DMD: variants seen among roughly 807,000 people sequenced by gnomAD.
DMD encodes the protein mutant dystrophin.
A neutral mutation model predicts 330.1 loss-of-function variants in DMD; 63 were observed. The ratio of observed to expected loss-of-function variants is 0.19; its 90% CI spans 0.16 to 0.24. The LOEUF (loss-of-function observed/expected upper bound fraction) is 0.24. DMD is among the 10% of genes least tolerant of loss of function. DMD has a pLI of 1.00. For missense variants in DMD, 3,344 were observed against 2,684.1 expected, an observed-to-expected ratio of 1.25 and a Z score of -5.43; for synonymous variants, 1,223 against 959.8, an observed-to-expected ratio of 1.27 and a Z score of -5.07.
intron 44 of DMD, among the ~76,000 whole-genome samples, chrX:32,189,773 A>ATT (rs1332996805): frequency 9.0e-6 from 1 of 111,070 alleles, no homozygotes; most frequent in Non-Finnish European, 1.9e-5. Context: ...GGTGGCAAAT[A>ATT]TCTTCAGCAA....
At chrX:32,742,514 G>T (rs1448686401) in intron 7 of DMD, among the ~76,000 whole-genome samples, 1 of 111,561 alleles carries the variant, frequency 9.0e-6, no homozygotes. Flanking sequence ...AGTTAATAGT[G>T]TAAGTTTAAG....
chrX:31,260,721 C>A (rs1330894658), intron 63 of DMD, among the ~76,000 whole-genome samples: 2 of 111,597 alleles, frequency 1.8e-5, no homozygotes, highest in African/African-American at 6.5e-5. Flanking sequence ...GACCTATAGG[C>A]CCTCTCAGGT....
intron 11 of DMD, among the ~76,000 whole-genome samples, chrX:32,625,245 G>T (rs2058271113): frequency 8.9e-6 from 1 of 112,270 alleles, no homozygotes; most frequent in African/African-American, 3.2e-5. Flanking sequence ...CTAAAATGAT[G>T]TAAATATTCT....
At chrX:33,121,066 A>C (rs1455581184) in intron 1 of DMD, among the ~76,000 whole-genome samples, 1 of 109,882 alleles carries the variant, frequency 9.1e-6, no homozygotes, top group African/African-American at 3.3e-5. Flanking sequence ...TTAAATGTAT[A>C]AGTTTTCCAT....
chrX:32,394,594 A>G (rs923807416), intron 30 of DMD, among the ~76,000 whole-genome samples: 2 of 111,813 alleles, frequency 1.8e-5, no homozygotes, highest in African/African-American at 3.2e-5. Context: ...GCGATATAAC[A>G]TGTCATTTCC....
At position 32,147,917 on chromosome X, in the gene DMD, A is replaced by G. The variant is rs372054961; in HGVS notation, c.6438+68999T>C. 9.8e-4 allele frequency among the ~76,000 whole-genome samples: 93 copies of G among 94,522 alleles called. 2 individuals are homozygous for G. The East Asian group carries it at 0.029, about 29-fold the overall frequency. The allele number at this position is 94,522 out of a possible 115,157, so 82.1% of individuals were successfully genotyped here. On this transcript the variant is annotated intron_variant, in intron 44 of 78. Transcript: ENST00000357033. Reference sequence around the variant, plus strand: ...TTTTGAGATGGAGTCTCGCTCTGTCACCCAGGCTGGAGTGCAGTGGCGCGA... The same window carrying G: ...TTTTGAGATGGAGTCTCGCTCTGTCGCCCAGGCTGGAGTGCAGTGGCGCGA...
chrX:32,112,003 C>A (rs760560329), intron 44 of DMD, among the ~76,000 whole-genome samples: 3 of 111,910 alleles, frequency 2.7e-5, no homozygotes, highest in Non-Finnish European at 5.6e-5. Flanking sequence ...ATTTCAGATA[C>A]CTCAAGGGCA....
intron 2 of DMD, among the ~76,000 whole-genome samples, chrX:32,909,643 T>C (rs1458391430): frequency 9.0e-6 from 1 of 111,292 alleles, no homozygotes; most frequent in Non-Finnish European, 1.9e-5. Context: ...TAGAAATGCG[T>C]CCACAAAATT....
In DMD at chrX:33,323,681, A is replaced by C; in HGVS notation, c.7+15578T>G. Among the ~76,000 whole-genome samples the C allele has an allele frequency of 2.7e-5, 3 of 111,597 alleles. 1 individual carries two copies. The Middle Eastern group carries it at 0.014, about 510-fold the overall frequency. Reference sequence around the variant, plus strand: ...ATTCTACAGTTGGCAAATATATGAAATATTTTCTATCCTTCCCACTGCATT... The same window carrying C: ...ATTCTACAGTTGGCAAATATATGAACTATTTTCTATCCTTCCCACTGCATT... On this transcript the variant is annotated intron_variant, in intron 1 of 17. Transcript: ENST00000288447.
chrX:31,294,987 T>G (rs901161776), intron 62 of DMD, among the ~76,000 whole-genome samples: 2 of 111,414 alleles, frequency 1.8e-5, no homozygotes, highest in Non-Finnish European at 3.8e-5. Flanking sequence ...CATTGTAGGT[T>G]TGCTTTTTTA....
At chrX:31,627,917 A>G in intron 54 of DMD, 55 bp from the exon 55 acceptor site, 1 of 1,082,995 alleles carries the variant, frequency 9.2e-7, no homozygotes, top group Non-Finnish European at 1.3e-6. Flanking sequence ...TGGTGCACCT[A>G]GTGAACTCCA....
At chrX:32,948,710 G>A (rs1297490667) in intron 2 of DMD, among the ~76,000 whole-genome samples, 1 of 111,665 alleles carries the variant, frequency 9.0e-6, no homozygotes, top group African/African-American at 3.3e-5. Context: ...GAGAAGCTAA[G>A]GTTTTCATAA....
chrX:32,485,808 A>C (rs150444407), intron 20 of DMD, among the ~76,000 whole-genome samples: 1,000 of 89,536 alleles, frequency 0.011, 20 homozygotes, highest in African/African-American at 0.04. Context: ...CAATGACGCG[A>C]TCTTGGCCAA....
chrX:31,240,170 C>A (rs2048107432), intron 63 of DMD, among the ~76,000 whole-genome samples: 1 of 110,329 alleles, frequency 9.1e-6, no homozygotes, highest in Admixed American at 9.7e-5. Context: ...TGCAAGTTTT[C>A]ATTCACCATC....
Position 32,533,532 on chromosome X carries a change from G to C in DMD, c.2168+11627C>G, listed in dbSNP as rs775240623. Among the ~76,000 whole-genome samples, 5 of 111,897 alleles carry C rather than the reference G, an allele frequency of 4.5e-5. No individual in the cohort carries two copies. In the South Asian group the frequency reaches 1.9e-3, roughly 42 times the overall value. ...CTTCCATGCCTCTCAAGCAGGAAGT[G>C]AACTTTTCTTCCTTAAAACTTTTCT... On this transcript the variant is annotated intron_variant, in intron 17 of 78. Transcript: ENST00000357033.
At chrX:33,208,310 A>C (rs2051698486) in intron 1 of DMD, among the ~76,000 whole-genome samples, 1 of 111,803 alleles carries the variant, frequency 8.9e-6, no homozygotes, top group South Asian at 3.7e-4. Context: ...ACTAGCATCA[A>C]TTTTATTTTA....
At chrX:32,133,063 G>C (rs1029086738) in intron 44 of DMD, among the ~76,000 whole-genome samples, 24 of 97,019 alleles carry the variant, frequency 2.5e-4, no homozygotes, top group African/African-American at 8.1e-4. Flanking sequence ...TTGGAGCGCA[G>C]TGGCACAATC....
intron 1 of DMD, among the ~76,000 whole-genome samples, chrX:33,071,303 T>C (rs2094752103): frequency 9.2e-6 from 1 of 108,787 alleles, no homozygotes; most frequent in African/African-American, 3.4e-5. Flanking sequence ...ATACAAAAAT[T>C]AGCCAAGTGT....
chrX:31,169,632 T>A, intron 73 of DMD, 31 bp from the exon 74 acceptor site: 1 of 1,167,367 alleles, frequency 8.6e-7, no homozygotes, highest in East Asian at 3.1e-5. Context: ...TTTTGGTTTT[T>A]TCCCCCCCTT....
Sources: gnomAD v4.1 joint callset for allele counts (sites outside exome capture counted in the v4.1 genomes callset) on GRCh38, gnomAD v4.1.1 for gene constraint, MANE v1.5 for transcripts, NCBI Gene and HGNC (gene_info 2026-07-23, HGNC 2026-07-21) for gene names.